Variants in DST observed in about 807,000 individuals in gnomAD.
DST encodes bullous pemphigoid antigen.
DST carries 253 observed loss-of-function variants against 875.2 expected under a neutral mutation model. The ratio of observed to expected loss-of-function variants is 0.29; its 90% CI spans 0.26 to 0.32. The LOEUF is 0.32. Ranked by LOEUF, DST falls within the 10% of genes least tolerant of loss-of-function variation. DST has a pLI of 1.00. For synonymous variants in DST, 3,124 were observed against 3,197.1 expected (o/e 0.98, Z 0.77); for missense variants, 8,287 against 9,111.6 (o/e 0.91, Z 3.68).
intron 4 of DST, among the ~76,000 whole-genome samples, chr6:56,781,572 T>G (rs2099694070): frequency 6.6e-6 from 1 of 152,228 alleles, no homozygotes; most frequent in Non-Finnish European, 1.5e-5. Context: ...ACATTGATTT[T>G]GTATCCTGAG....
At chr6:56,600,041 G>C (rs952003133) in intron 45 of DST, 28 bp downstream of exon 45, 1 of 1,586,728 alleles carries the variant, frequency 6.3e-7, no homozygotes, top group Non-Finnish European at 8.6e-7. Flanking sequence ...CATCAACATA[G>C]ATCTGCTGAT....
intron 4 of DST, among the ~76,000 whole-genome samples, chr6:56,826,514 T>C (rs1286701474): frequency 6.6e-6 from 1 of 152,228 alleles, no homozygotes. Flanking sequence ...CTAACCACTC[T>C]TAAGTTTGGT....
intron 61 of DST, among the ~76,000 whole-genome samples, chr6:56,547,379 T>C (rs184888858): frequency 4.9e-4 from 74 of 152,310 alleles, no homozygotes; most frequent in African/African-American, 1.7e-3. Context: ...TATTAAATAA[T>C]GTGATCTTCC....
chr6:56,649,415 T>G (rs550154460), intron 12 of DST, among the ~76,000 whole-genome samples: 5 of 152,164 alleles, frequency 3.3e-5, no homozygotes, highest in Non-Finnish European at 7.4e-5. Flanking sequence ...AGAGCAGTAT[T>G]TAATTAAGTG....
chr6:56,552,044 C>G (rs542613777), intron 61 of DST, 140 bp downstream of exon 61: 1 of 960,720 alleles, frequency 1.0e-6, no homozygotes, highest in East Asian at 2.6e-5. Context: ...GGGTGTTACC[C>G]CCATATATGC....
In DST at chr6:56,608,778, A is replaced by G; in HGVS notation, c.5850T>C (p.Pro1950=). ...LQENTGMWLL[P]VRPQEGGRIT... ...TTCTACCTCCTTCTTGTGGTCTCAC[A>G]GGTAGAAGCCACATCCCTGTGTTTT... is the stretch of plus-strand genomic sequence containing the variant. Residue 1950 remains proline (P), a synonymous_variant, in exon 40 of 104, where the codon CCT becomes CCC. Transcript: ENST00000680361. The G allele has an allele frequency of 6.2e-7, 1 of 1,609,696 alleles. No homozygotes were observed. The highest frequency in any genetic ancestry group is 8.5e-7 in the Non-Finnish European group (1 of 1,177,640).
intron 5 of DST, among the ~76,000 whole-genome samples, chr6:56,730,434 T>C (rs568823072): frequency 1.6e-4 from 24 of 152,258 alleles, no homozygotes; most frequent in Admixed American, 6.5e-4. Flanking sequence ...ATTTCTCATA[T>C]TGTTGTCCTA....
intron 36 of DST, chr6:56,616,132 G>A (rs1327258771): frequency 2.5e-6 from 4 of 1,614,076 alleles, no homozygotes; most frequent in African/African-American, 1.3e-5. Context: ...CAACAGGACT[G>A]TGCAAATCTT....
chr6:56,479,530 T>C (rs1167653174), intron 90 of DST, among the ~76,000 whole-genome samples: 1 of 151,670 alleles, frequency 6.6e-6, no homozygotes, highest in Non-Finnish European at 1.5e-5. Flanking sequence ...AATATAAGTG[T>C]CCATCAACAG....
At chr6:56,911,882 C>G (rs929072135) in intron 2 of DST, among the ~76,000 whole-genome samples, 1 of 152,126 alleles carries the variant, frequency 6.6e-6, no homozygotes, top group South Asian at 2.1e-4. Flanking sequence ...CTTTCCTGGT[C>G]GACCTCTGAA....
intron 5 of DST, among the ~76,000 whole-genome samples, chr6:56,713,733 G>A (rs912720466): frequency 5.3e-5 from 8 of 152,216 alleles, no homozygotes; most frequent in African/African-American, 1.9e-4. Context: ...GATTAGGATA[G>A]GCATGACACA....
At chr6:56,736,874 T>A (rs2099526734) in intron 4 of DST, among the ~76,000 whole-genome samples, 1 of 152,180 alleles carries the variant, frequency 6.6e-6, no homozygotes, top group African/African-American at 2.4e-5. Flanking sequence ...ATCAATTTTT[T>A]AAAAAGTAAT....
chr6:56,703,189 A>G (rs1298044355), intron 7 of DST, among the ~76,000 whole-genome samples: 2 of 152,206 alleles, frequency 1.3e-5, no homozygotes, highest in Non-Finnish European at 2.9e-5. Context: ...CCTATTGCCA[A>G]GAGGTGTGGT....
intron 97 of DST, 62 bp from the exon 98 acceptor site, chr6:56,469,061 C>T: frequency 7.5e-7 from 1 of 1,330,232 alleles, no homozygotes; most frequent in Non-Finnish European, 1.1e-6. Context: ...TTCTGTATGA[C>T]TCTAGAACAT....
chr6:56,938,891 G>C (rs546502723), intron 2 of DST, among the ~76,000 whole-genome samples: 33 of 152,364 alleles, frequency 2.2e-4, no homozygotes, highest in Middle Eastern at 3.4e-3. Context: ...TTCCAGCTGT[G>C]ATGAGCCAAG....
chr6:56,837,745 T>A (rs889149519), intron 4 of DST, among the ~76,000 whole-genome samples: 3 of 152,170 alleles, frequency 2.0e-5, no homozygotes, highest in African/African-American at 7.2e-5. Flanking sequence ...GTCATGCTAG[T>A]TTCTCCTCTT....
intron 9 of DST, among the ~76,000 whole-genome samples, chr6:56,694,143 G>A (rs964891240): frequency 2.7e-5 from 4 of 148,658 alleles, no homozygotes; most frequent in Non-Finnish European, 5.9e-5. Context: ...GGCCTTGCTG[G>A]AAAAATAATG....
intron 80 of DST, 82 bp from the exon 81 acceptor site, chr6:56,498,135 T>C (rs2095984511): frequency 7.5e-7 from 1 of 1,340,596 alleles, no homozygotes; most frequent in Non-Finnish European, 1.0e-6. Context: ...TCCTTTCTGG[T>C]TATGAAACAT....
At chr6:56,566,558 C>G (rs560989953) in intron 55 of DST, among the ~76,000 whole-genome samples, 2 of 152,184 alleles carry the variant, frequency 1.3e-5, no homozygotes, top group African/African-American at 4.8e-5. Context: ...ATGAGATGAG[C>G]TGGGTACCTC....
Sources: gnomAD v4.1 joint callset for allele counts (sites outside exome capture counted in the v4.1 genomes callset) on GRCh38, gnomAD v4.1.1 for gene constraint, MANE v1.5 for transcripts, NCBI Gene and HGNC (gene_info 2026-07-23, HGNC 2026-07-21) for gene names.